ABL1: variants seen among roughly 807,000 people sequenced by gnomAD.
ABL1 encodes tyrosine-protein kinase ABL1.
Under a neutral mutation model 94.7 loss-of-function variants are expected in ABL1, and 11 were observed. That is an observed-to-expected ratio of 0.12 (90% confidence interval 0.07 to 0.19). The LOEUF (loss-of-function observed/expected upper bound fraction) is 0.19, where lower values mean the gene tolerates loss of function less well. ABL1 is among the 10% of genes least tolerant of loss of function. The probability of loss-of-function intolerance (pLI) is 1.00; values close to 1 mark genes in which losing one functional copy is unlikely to be tolerated. For missense variants in ABL1, 1,082 were observed against 1,489.4 expected, an observed-to-expected ratio of 0.73 and a Z score of 4.50; for synonymous variants, 656 against 622.4, an observed-to-expected ratio of 1.05 and a Z score of -0.80.
intron 1 of ABL1, among the ~76,000 whole-genome samples, chr9:130,722,632 C>T (rs1236744269): frequency 6.6e-6 from 1 of 152,094 alleles, no homozygotes; most frequent in Non-Finnish European, 1.5e-5. Context: ...TGGGATCGTA[C>T]AGGTGAGCCA....
intron 4 of ABL1, among the ~76,000 whole-genome samples, chr9:130,871,434 G>C (rs1377400830): frequency 1.3e-5 from 2 of 152,162 alleles, no homozygotes; most frequent in East Asian, 3.9e-4. Context: ...TTGGCATTTA[G>C]ATACCATGGA....
At chr9:130,773,948 C>T (rs1832283682) in intron 1 of ABL1, among the ~76,000 whole-genome samples, 1 of 152,136 alleles carries the variant, frequency 6.6e-6, no homozygotes, top group African/African-American at 2.4e-5. Context: ...TAATTCTTCC[C>T]TGATTTACCT....
intron 1 of ABL1, among the ~76,000 whole-genome samples, chr9:130,782,720 C>T (rs539208485): frequency 1.2e-3 from 184 of 152,332 alleles, no homozygotes; most frequent in African/African-American, 3.8e-3. Flanking sequence ...CTGCTGCTGC[C>T]GCTGTGGTGG....
At chr9:130,732,456 A>G (rs1430600462) in intron 1 of ABL1, among the ~76,000 whole-genome samples, 3 of 152,104 alleles carry the variant, frequency 2.0e-5, no homozygotes, top group African/African-American at 4.8e-5. Flanking sequence ...TCCTTTATCT[A>G]TAATAGCTTG....
upstream of ABL1, chr9:130,834,937 G>A (rs573301248): frequency 4.7e-4 from 214 of 455,744 alleles, 1 homozygote; most frequent in African/African-American, 3.9e-3. Flanking sequence ...AGCGGTGCAG[G>A]TTGGAGACGC....
chr9:130,850,214 G>C (rs1262169728), intron 1 of ABL1, among the ~76,000 whole-genome samples: 1 of 152,234 alleles, frequency 6.6e-6, no homozygotes, highest in East Asian at 1.9e-4. Flanking sequence ...CCAATGAAAT[G>C]CAAGTGTGAA....
chr9:130,784,665 C>G (rs1829804162), intron 1 of ABL1, among the ~76,000 whole-genome samples: 1 of 152,142 alleles, frequency 6.6e-6, no homozygotes, highest in African/African-American at 2.4e-5. Flanking sequence ...TCGCAGGTAT[C>G]CCCTGAAGTG....
At chr9:130,728,230 A>ATTTTTTTGTTTTTTTTTTTTTT (rs1831614280) in intron 1 of ABL1, among the ~76,000 whole-genome samples, 1 of 102,636 alleles carries the variant, frequency 9.7e-6, no homozygotes, top group African/African-American at 5.3e-5. Flanking sequence ...TGTCCAGCTG[A>ATTTTTTTGTTTTTTTTTTTTTT]TTTTTTTTTT....
Position 130,884,344 on chromosome 9 carries a change from A to G in ABL1, c.2054A>G (p.His685Arg), listed in dbSNP as rs1442339978. Residue 685 changes from histidine (H) to arginine (R), a missense_variant, in exon 11 of 11, where the codon CAC becomes CGC. By Grantham distance (29) the His-to-Arg change is conservative (BLOSUM62 0). Transcript: ENST00000318560. The surrounding 1 kb of genome is among the most constrained non-coding windows in gnomAD (Gnocchi z 5.6). ...GGGGGCTCAGGCTTCCGGTCTCCCC[A>G]CCTGTGGAAGAAGTCCAGCACGCTG... ...ESGGSGFRSP[H>R]LWKKSSTLTS... 6 of 1,612,124 alleles carry G rather than the reference A, an allele frequency of 3.7e-6. No individual in the cohort carries two copies. The highest frequency in any genetic ancestry group is 4.2e-6 in the Non-Finnish European group (5 of 1,179,728).
At chr9:130,847,937 G>A (rs1360677822) in intron 1 of ABL1, among the ~76,000 whole-genome samples, 4 of 152,184 alleles carry the variant, frequency 2.6e-5, no homozygotes, top group Non-Finnish European at 4.4e-5. Flanking sequence ...TATTCCAGGT[G>A]TTTTCCAGGC....
chr9:130,806,212 G>A (rs1339355255), intron 1 of ABL1, among the ~76,000 whole-genome samples: 2 of 152,204 alleles, frequency 1.3e-5, no homozygotes, highest in Non-Finnish European at 2.9e-5. Flanking sequence ...TCCTTAGGAG[G>A]TAGGTCTGTG....
intron 1 of ABL1, among the ~76,000 whole-genome samples, chr9:130,734,499 G>A (rs976111559): frequency 5.4e-5 from 8 of 147,360 alleles, no homozygotes; most frequent in Non-Finnish European, 8.9e-5. Flanking sequence ...ACAGGTGTGA[G>A]CCACTGCGCC....
At position 130,885,696 on chromosome 9, in the gene ABL1, G is replaced by T. The variant is rs1465150791; in HGVS notation, c.*13G>T. The T allele has an allele frequency of 6.2e-7, 1 of 1,600,696 alleles. No homozygotes were observed. The highest frequency in any genetic ancestry group is 8.5e-7 in the Non-Finnish European group (1 of 1,172,578). The stretch of plus-strand genomic sequence containing the variant: ...AGTGCAGAGGTAGCAGCAGTCAGGG[G>T]TCAGGTGTCAGGCCCGTCGGAGCTG... On this transcript the variant is annotated 3_prime_UTR_variant, in exon 11 of 11. Coordinates refer to ENST00000318560, the MANE Select transcript of ABL1 (RefSeq NM_005157.6).
chr9:130,829,564 CA>C (rs1167581144), intron 1 of ABL1, among the ~76,000 whole-genome samples: 12,144 of 68,724 alleles, frequency 0.18, 366 homozygotes, highest in African/African-American at 0.29. Flanking sequence ...GACTACGTCT[CA>C]AAAAAAAAAA....
intron 1 of ABL1, among the ~76,000 whole-genome samples, chr9:130,809,411 A>AGT (rs1437328668): frequency 1.6e-4 from 19 of 116,964 alleles, no homozygotes; most frequent in South Asian, 2.9e-4. Flanking sequence ...AGAGAGAGAG[A>AGT]GAGAGAGTGT....
upstream of ABL1, among the ~76,000 whole-genome samples, chr9:130,831,911 A>G (rs557297316): frequency 7.9e-5 from 12 of 152,126 alleles, no homozygotes; most frequent in South Asian, 2.5e-3. Flanking sequence ...TCTGGCCCCC[A>G]AACAGTGGAT....
Position 130,863,509 on chromosome 9 carries a change from A to G in ABL1, c.822+474A>G, listed in dbSNP as rs1831109048. On this transcript the variant is annotated intron_variant, in intron 4 of 10. Coordinates refer to ENST00000318560, the MANE Select transcript of ABL1 (RefSeq NM_005157.6). The surrounding 1 kb of genome is among the most constrained non-coding windows in gnomAD (Gnocchi z 4.3). ...CCCTGGGCATCCCCAGTGGGTTCCA[A>G]TTCTGCAGCTGCCCAGACTCCTGCA... Among the ~76,000 whole-genome samples, 1 of 152,156 alleles carries G rather than the reference A, an allele frequency of 6.6e-6. No individual in the cohort carries two copies. Among genetic ancestry groups the G allele is most frequent in the Non-Finnish European group, 1.5e-5 (1 of 68,032 alleles).
At chr9:130,768,950 T>C (rs1832217677) in intron 1 of ABL1, among the ~76,000 whole-genome samples, 1 of 152,318 alleles carries the variant, frequency 6.6e-6, no homozygotes, top group Admixed American at 6.5e-5. Context: ...ATAATCCCAT[T>C]TATACTACAG....
chr9:130,780,730 T>C (rs1829744738), intron 1 of ABL1, among the ~76,000 whole-genome samples: 2 of 152,234 alleles, frequency 1.3e-5, no homozygotes, highest in South Asian at 2.1e-4. Flanking sequence ...TGGGCTGGAA[T>C]TCTTGTTTCC....
Sources: allele counts gnomAD v4.1 joint callset (sites outside exome capture counted in the v4.1 genomes callset), GRCh38; gene constraint gnomAD v4.1.1; non-coding constraint Gnocchi (gnomAD v3.1); transcripts MANE v1.5; gene names NCBI Gene and HGNC (gene_info 2026-07-23, HGNC 2026-07-21).